Variants in ADCY3 observed in about 807,000 individuals in gnomAD.
ADCY3 encodes the protein adenylate cyclase 3.
ADCY3 carries 70 observed loss-of-function variants against 119.4 expected under a neutral mutation model. That is an observed-to-expected ratio of 0.59 (90% CI 0.48 to 0.72). The LOEUF (loss-of-function observed/expected upper bound fraction) is 0.72, where lower values mean the gene tolerates loss of function less well. Among genes scored for constraint, ADCY3 ranks in the 30% least tolerant of loss-of-function variants. The pLI, the probability that ADCY3 is intolerant of heterozygous loss-of-function variation, is 0.00. For missense variants in ADCY3, 1,238 were observed against 1,541.6 expected (o/e 0.80, Z 3.30); for synonymous variants, 672 against 621.4 (o/e 1.08, Z -1.21).
At chr2:24,848,160 C>T (rs150350329) in intron 3 of ADCY3, among the ~76,000 whole-genome samples, 7,346 of 152,326 alleles carry the variant, frequency 0.048, 277 homozygotes, top group African/African-American at 0.12. Flanking sequence ...ATGGCCATAA[C>T]GCCCATGCTG....
chr2:24,896,038 C>T (rs1384835029), intron 2 of ADCY3, among the ~76,000 whole-genome samples: 8 of 152,162 alleles, frequency 5.3e-5, no homozygotes, highest in African/African-American at 1.9e-4. Flanking sequence ...ATTTCTCTTC[C>T]CATCATCCTG....
chr2:24,824,535 A>G lies in ADCY3; in HGVS notation c.2579T>C (p.Val860Ala). Reference sequence around the variant, plus strand: ...GAAAAGTGTCCGTGCCAGTTTTTCTACCTACAGACACAGACAAGGCGAGGC... The same window carrying G: ...GAAAAGTGTCCGTGCCAGTTTTTCTGCCTACAGACACAGACAAGGCGAGGC... ...MLSFYYFSRH[V>A]EKLARTLFLW... is the part of the protein sequence containing the mutation. The change falls in exon 17 of 22, where the codon GTA becomes GCA. Residue 860 changes from valine (V) to alanine (A), a missense_variant and splice_region_variant. By Grantham distance (64) the Val-to-Ala change is moderately conservative (BLOSUM62 0). Coordinates refer to ENST00000679454, the MANE Select transcript of ADCY3 (RefSeq NM_004036.5). 1.9e-6 allele frequency: 3 copies of G among 1,614,062 alleles called. No individual in the cohort carries two copies. Among genetic ancestry groups the G allele is most frequent in the Non-Finnish European group, 1.7e-6 (2 of 1,179,930 alleles).
At position 24,842,874 on chromosome 2, in the gene ADCY3, A is replaced by G. The variant is rs1167816847; in HGVS notation, c.826-490T>C. ...CAAAACCAGCAAGAACGTCCACCTC[A>G]GAGAGCGGAGGGTCTCACGGGGACA... is the stretch of plus-strand genomic sequence containing the variant. On this transcript the variant is annotated intron_variant, in intron 3 of 21. Transcript: ENST00000679454. This position sits in a 1 kb window ranked among gnomAD's most constrained non-coding sequence, Gnocchi z 4.9. Among the ~76,000 whole-genome samples, 2 of 152,212 alleles carry G rather than the reference A, an allele frequency of 1.3e-5. No homozygotes were observed. Among genetic ancestry groups the G allele is most frequent in the Non-Finnish European group, 2.9e-5 (2 of 68,038 alleles).
chr2:24,841,193 T>C lies in ADCY3; in HGVS notation c.1196+66A>G, dbSNP rs1013511865. 4.0e-6 allele frequency: 6 copies of C among 1,483,204 alleles called. No individual in the cohort carries two copies. Among genetic ancestry groups the C allele is most frequent in the Non-Finnish European group, 5.4e-6 (6 of 1,114,938 alleles). The allele number at this position is 1,483,204 out of a possible 1,614,324, so 91.9% of individuals were successfully genotyped here. A position where few individuals can be genotyped will look rare whatever the true frequency, so the allele number is the denominator to read the frequency against. On this transcript the variant is annotated intron_variant, in intron 6 of 21. Transcript: ENST00000679454. This position sits in a 1 kb window ranked among gnomAD's most constrained non-coding sequence, Gnocchi z 5.8. Reference sequence around the variant, plus strand: ...GCCATGGCCAGCGCGGAAGACCTGCTTCTCCCTGGGTCCAGGGCCGGGGCC... The same window carrying C: ...GCCATGGCCAGCGCGGAAGACCTGCCTCTCCCTGGGTCCAGGGCCGGGGCC...
intron 17 of ADCY3, among the ~76,000 whole-genome samples, chr2:24,823,942 G>T (rs911112568): frequency 1.3e-5 from 2 of 152,172 alleles, no homozygotes; most frequent in Non-Finnish European, 2.9e-5. Flanking sequence ...TGATCCACCC[G>T]CCTCGGCCTC....
intron 2 of ADCY3, among the ~76,000 whole-genome samples, chr2:24,885,252 T>C (rs893152790): frequency 1.3e-5 from 2 of 152,224 alleles, no homozygotes; most frequent in African/African-American, 2.4e-5. Flanking sequence ...TGGGGAGTTA[T>C]GCCCAGGCAG....
chr2:24,885,413 G>A (rs577779130), intron 2 of ADCY3, among the ~76,000 whole-genome samples: 2 of 152,180 alleles, frequency 1.3e-5, no homozygotes, highest in Admixed American at 6.5e-5. Context: ...TGATCCACAG[G>A]TCTCACTTCT....
intron 11 of ADCY3, chr2:24,832,000 GGGCAGGGGCCAGCAGACAGGGA>G: frequency 2.6e-5 from 4 of 154,822 alleles, no homozygotes; most frequent in African/African-American, 1.2e-4. Context: ...CAGGGGCCGG[GGGCAGGGGCCAGCAGACAGGGA>G]CCGGGGGCAG....
chr2:24,853,005 G>GGGGTGTGTGTGTGTGT (rs1558455043), intron 3 of ADCY3, among the ~76,000 whole-genome samples: 1 of 95,320 alleles, frequency 1.0e-5, no homozygotes, highest in African/African-American at 5.7e-5. Flanking sequence ...ACAGCTGGAG[G>GGGGTGTGTGTGTGTGT]GTGTGTGTGT....
intron 3 of ADCY3, among the ~76,000 whole-genome samples, chr2:24,867,955 T>C (rs1398479066): frequency 3.3e-5 from 5 of 152,120 alleles, no homozygotes; most frequent in Admixed American, 2.0e-4. Context: ...ACTAAAGAGG[T>C]AAGTACTAAT....
intron 7 of ADCY3, chr2:24,838,951 T>A: frequency 7.1e-7 from 1 of 1,417,368 alleles, no homozygotes; most frequent in Non-Finnish European, 9.5e-7. Context: ...ATTTTTTTTT[T>A]TTTTTTTTTG....
At chr2:24,889,455 G>C (rs1176635357) in intron 2 of ADCY3, among the ~76,000 whole-genome samples, 1 of 152,216 alleles carries the variant, frequency 6.6e-6, no homozygotes, top group Non-Finnish European at 1.5e-5. Context: ...ACATATGGCA[G>C]GTACTCATCT....
At position 24,898,808 on chromosome 2, in the gene ADCY3, G is replaced by A. The variant is rs1173431669; in HGVS notation, c.675+19505C>T. On this transcript the variant is annotated intron_variant, in intron 2 of 21. Transcript: ENST00000679454. The surrounding 1 kb of genome is among the most constrained non-coding windows in gnomAD (Gnocchi z 4.3). The stretch of plus-strand genomic sequence containing the variant: ...GGAGAACAAAAGCAAAATTTACCAC[G>A]CAACCAACAGCAGCTCAGCAGTGGG... Among the ~76,000 whole-genome samples the A allele has an allele frequency of 1.3e-5, 2 of 152,060 alleles. No homozygotes were observed. The highest frequency in any genetic ancestry group is 2.9e-5 in the Non-Finnish European group (2 of 68,004).
Position 24,841,586 on chromosome 2 carries a change from C to T in ADCY3, c.1038G>A (p.Glu346=), listed in dbSNP as rs1671021264. 6.2e-7 allele frequency: 1 copy of T among 1,613,470 alleles called. No individual in the cohort carries two copies. Among genetic ancestry groups the T allele is most frequent in the African/African-American group, 1.3e-5 (1 of 75,058 alleles). The change falls in exon 5 of 22, where the codon GAG becomes GAA. Residue 346 remains glutamate (E), a synonymous_variant. Coordinates refer to ENST00000679454, the MANE Select transcript of ADCY3 (RefSeq NM_004036.5). The surrounding 1 kb of genome is among the most constrained non-coding windows in gnomAD (Gnocchi z 5.8). ...CCAGCTTGTCAAAGCGGGCAAAGAG[C>T]TCGTTGAGCAGCTTCACAAGCTCCT... is the stretch of plus-strand genomic sequence containing the variant. The part of the protein sequence containing the change: ...SAQELVKLLN[E]LFARFDKLAA...
At chr2:24,871,998 C>G (rs1675076004) in intron 3 of ADCY3, among the ~76,000 whole-genome samples, 1 of 152,214 alleles carries the variant, frequency 6.6e-6, no homozygotes, top group Admixed American at 6.5e-5. Context: ...GCAGTGACCT[C>G]AGATGGGAAG....
At chr2:24,870,321 CAAAA>C (rs34685288) in intron 3 of ADCY3, among the ~76,000 whole-genome samples, 44 of 87,278 alleles carry the variant, frequency 5.0e-4, no homozygotes, top group Non-Finnish European at 6.6e-4. Context: ...GACTCCATGT[CAAAA>C]AAAAAAAAAA....
In ADCY3 at chr2:24,829,547, A is replaced by G. The variant is rs576691613; in HGVS notation, c.2172+1162T>C. Among the ~76,000 whole-genome samples, 91 of 150,336 alleles carry G rather than the reference A, an allele frequency of 6.1e-4. 1 individual carries two copies. Among genetic ancestry groups the G allele is most frequent in the African/African-American group, 2.1e-3 (85 of 40,856 alleles). On this transcript the variant is annotated intron_variant, in intron 13 of 21. Coordinates refer to ENST00000679454, the MANE Select transcript of ADCY3 (RefSeq NM_004036.5). ...GCCATTCTCCTGCCTCAGCCTCCTG[A>G]GTAGCTGGGACTACAGGCGCCTGCC...
intron 12 of ADCY3, among the ~76,000 whole-genome samples, chr2:24,831,230 T>TAAA (rs5829943): frequency 0.063 from 9,255 of 147,432 alleles, 316 homozygotes; most frequent in Non-Finnish European, 0.08. Context: ...TCATTCTGAT[T>TAAA]AAAAAAAAAA....
chr2:24,821,105 G>A, intron 20 of ADCY3: 1 of 494,616 alleles, frequency 2.0e-6, no homozygotes, highest in Non-Finnish European at 3.6e-6. Flanking sequence ...TAACACAGCT[G>A]GTATTTCAAG....
Sources: allele counts gnomAD v4.1 joint callset (sites outside exome capture counted in the v4.1 genomes callset), GRCh38; gene constraint gnomAD v4.1.1; non-coding constraint Gnocchi (gnomAD v3.1); transcripts MANE v1.5; gene names NCBI Gene and HGNC (gene_info 2026-07-23, HGNC 2026-07-21).